The following NEK7 variants were observed in gnomAD, a reference collection of about 807,000 sequenced individuals.
The protein encoded by NEK7 is NIMA related kinase 7.
A neutral mutation model predicts 44.6 loss-of-function variants in NEK7; 18 were observed. The observed-to-expected ratio is 0.40, with a 90% CI of 0.28 to 0.60. The LOEUF is 0.60. NEK7 is among the 20% of genes least tolerant of loss of function. The pLI is 0.38. For synonymous variants in NEK7, 130 were observed against 121.1 expected (o/e 1.07, Z -0.48); for missense variants, 256 against 366.5 (o/e 0.70, Z 2.46).
At chr1:198,275,631 T>G (rs897690382) in intron 5 of NEK7, among the ~76,000 whole-genome samples, 4 of 151,484 alleles carry the variant, frequency 2.6e-5, no homozygotes, top group African/African-American at 4.8e-5. Context: ...TTAGAATAAA[T>G]TTTAAGAGAA....
intron 1 of NEK7, among the ~76,000 whole-genome samples, chr1:198,209,251 C>T (rs12075749): frequency 0.18 from 26,509 of 150,894 alleles, 3,367 homozygotes; most frequent in African/African-American, 0.33. Context: ...CTTTTTCATA[C>T]CCATACACAC....
chr1:198,194,499 G>A (rs1255399367), intron 1 of NEK7, among the ~76,000 whole-genome samples: 5 of 116,844 alleles, frequency 4.3e-5, no homozygotes, highest in Non-Finnish European at 7.3e-5. Flanking sequence ...CTATGTGTCT[G>A]TTGTTTCCCT....
At chr1:198,285,799 G>GT (rs1002078463) in intron 7 of NEK7, among the ~76,000 whole-genome samples, 11 of 151,880 alleles carry the variant, frequency 7.2e-5, no homozygotes, top group South Asian at 2.1e-4. Context: ...CCTAATTTCA[G>GT]TTTTTTTAAA....
intron 2 of NEK7, among the ~76,000 whole-genome samples, chr1:198,238,386 T>G (rs1407088486): frequency 6.6e-6 from 1 of 152,144 alleles, no homozygotes; most frequent in African/African-American, 2.4e-5. Flanking sequence ...GCTTTGAGGC[T>G]TATTCCATTC....
At chr1:198,308,487 T>C (rs527323454) in intron 9 of NEK7, among the ~76,000 whole-genome samples, 1 of 152,316 alleles carries the variant, frequency 6.6e-6, no homozygotes, top group Admixed American at 6.5e-5. Flanking sequence ...ACTTCTGTTA[T>C]CCCATTTCAG....
Position 198,253,175 on chromosome 1 carries a change from G to A in NEK7, c.193G>A (p.Val65Met), listed in dbSNP as rs375421905. The A allele has an allele frequency of 8.6e-5, 138 of 1,596,302 alleles. No individual in the cohort carries two copies. Among genetic ancestry groups the A allele is most frequent in the Non-Finnish European group, 1.2e-4 (136 of 1,169,354 alleles). The change falls in exon 3 of 10, where the codon GTG becomes ATG. Residue 65 changes from valine to methionine, a missense_variant. This residue lies in a region of NEK7 where 96 missense variants were observed against 94.9 expected (regional missense o/e 1.01). Coordinates refer to ENST00000367385, the MANE Select transcript of NEK7 (RefSeq NM_133494.3). Reference sequence around the variant, plus strand: ...TGGAGTACCAGTAGCTTTAAAAAAAGTGCAGGTAAGATGACTTTAATTATA... The same window carrying A: ...TGGAGTACCAGTAGCTTTAAAAAAAATGCAGGTAAGATGACTTTAATTATA... ...LDGVPVALKK[V>M]QIFDLMDAKA...
rs774023349 is a variant in NEK7, at chr1:198,319,412, C to G, written c.799C>G (p.Leu267Val). 1.2e-6 allele frequency: 2 copies of G among 1,607,516 alleles called. No homozygotes were observed. Among genetic ancestry groups the G allele is most frequent in the Non-Finnish European group, 1.7e-6 (2 of 1,176,116 alleles). ...PLPSDHYSEELRQLVNMCINP... is the reference protein window; with the variant it reads ...PLPSDHYSEEVRQLVNMCINP... ...TTTTATTGTTTTTCTTTCTTCACAGCTCCGACAGTTAGTTAATATGTGCAT... is the reference window on the plus strand; with the variant it reads ...TTTTATTGTTTTTCTTTCTTCACAGGTCCGACAGTTAGTTAATATGTGCAT... Residue 267 changes from leucine (L) to valine (V), a missense_variant and splice_region_variant, in exon 10 of 10, where the codon CTC (leucine) becomes GTC (valine). By Grantham distance (32) the Leu-to-Val change is conservative (BLOSUM62 1). Coordinates refer to ENST00000367385, the MANE Select transcript of NEK7 (RefSeq NM_133494.3).
At chr1:198,309,355 T>A (rs917787981) in intron 9 of NEK7, among the ~76,000 whole-genome samples, 1 of 152,072 alleles carries the variant, frequency 6.6e-6, no homozygotes, top group South Asian at 2.1e-4. Context: ...GAGAAGGAGT[T>A]TGGGGCTAAA....
chr1:198,189,617 A>G (rs1204548378), intron 1 of NEK7, among the ~76,000 whole-genome samples: 1 of 152,144 alleles, frequency 6.6e-6, no homozygotes, highest in Non-Finnish European at 1.5e-5. Flanking sequence ...AAACATTTGG[A>G]TTAATGTTAA....
chr1:198,212,116 G>A (rs968596140), intron 1 of NEK7, among the ~76,000 whole-genome samples: 6 of 152,218 alleles, frequency 3.9e-5, no homozygotes, highest in African/African-American at 1.4e-4. Flanking sequence ...TCTCACAGGG[G>A]ACCTCACGGA....
intron 7 of NEK7, among the ~76,000 whole-genome samples, chr1:198,288,865 A>G (rs895554271): frequency 6.6e-6 from 1 of 152,216 alleles, no homozygotes; most frequent in Non-Finnish European, 1.5e-5. Flanking sequence ...AACAATAACA[A>G]TAAAATATGC....
chr1:198,283,072 G>T lies in NEK7; in HGVS notation c.589+4011G>T, dbSNP rs187867510. 1.5e-3 allele frequency among the ~76,000 whole-genome samples: 227 copies of T among 152,216 alleles called. 2 individuals carry two copies. Among genetic ancestry groups the T allele is most frequent in the African/African-American group, 5.3e-3 (220 of 41,544 alleles). ...GAGGCAGCTATGAAATAATGTCCCAGGTAGACTGAAGAGCATTTCATACAA... is the reference window on the plus strand; with the variant it reads ...GAGGCAGCTATGAAATAATGTCCCATGTAGACTGAAGAGCATTTCATACAA... On this transcript the variant is annotated intron_variant, in intron 7 of 9. Coordinates refer to ENST00000367385, the MANE Select transcript of NEK7 (RefSeq NM_133494.3).
At chr1:198,214,404 G>A (rs1289726781) in intron 1 of NEK7, among the ~76,000 whole-genome samples, 4 of 152,134 alleles carry the variant, frequency 2.6e-5, no homozygotes, top group Non-Finnish European at 1.5e-5. Context: ...ACAAGAGAGA[G>A]ATGCAAACCA....
chr1:198,164,887 G>T (rs909923016), intron 1 of NEK7, among the ~76,000 whole-genome samples: 3 of 152,158 alleles, frequency 2.0e-5, no homozygotes, highest in Admixed American at 6.5e-5. Flanking sequence ...AGAAAATCTT[G>T]TACAATTGGA....
At chr1:198,227,967 G>A (rs1185907213) in intron 1 of NEK7, among the ~76,000 whole-genome samples, 2 of 152,060 alleles carry the variant, frequency 1.3e-5, no homozygotes, top group Admixed American at 6.5e-5. Context: ...GAATGGTATT[G>A]CCTAGGTTTT....
At chr1:198,238,569 C>G (rs558991920) in intron 2 of NEK7, among the ~76,000 whole-genome samples, 1 of 152,318 alleles carries the variant, frequency 6.6e-6, no homozygotes, top group Admixed American at 6.5e-5. Context: ...AATGTACCTA[C>G]CCCATTACCC....
At chr1:198,244,125 G>A (rs1324722701) in intron 2 of NEK7, among the ~76,000 whole-genome samples, 1 of 152,112 alleles carries the variant, frequency 6.6e-6, no homozygotes, top group Admixed American at 6.5e-5. Context: ...AATATAAAAT[G>A]TAAGGTAGTT....
intron 7 of NEK7, among the ~76,000 whole-genome samples, chr1:198,283,227 G>A (rs1654263038): frequency 6.6e-6 from 1 of 152,108 alleles, no homozygotes; most frequent in African/African-American, 2.4e-5. Flanking sequence ...TAATGAGAGC[G>A]ATGTGATATG....
intron 1 of NEK7, among the ~76,000 whole-genome samples, chr1:198,227,944 A>G (rs1442324322): frequency 1.3e-5 from 2 of 152,158 alleles, no homozygotes; most frequent in Non-Finnish European, 1.5e-5. Flanking sequence ...GTCCTTGCCC[A>G]TGCCTATGTC....
Sources: allele counts gnomAD v4.1 joint callset (sites outside exome capture counted in the v4.1 genomes callset), GRCh38; gene constraint gnomAD v4.1.1; regional missense constraint gnomAD v4.1.1; transcripts MANE v1.5; gene names NCBI Gene and HGNC (gene_info 2026-07-23, HGNC 2026-07-21).